The following HSD17B3 variants were observed in gnomAD, a reference collection of about 807,000 sequenced individuals.
The protein encoded by HSD17B3 is 17-beta-hydroxysteroid dehydrogenase type 3.
HSD17B3 carries 29 observed loss-of-function variants against 41.1 expected under a neutral mutation model. The observed-to-expected ratio is 0.71, with a 90% CI of 0.53 to 0.96. The LOEUF (loss-of-function observed/expected upper bound fraction) is 0.96. Ranked by LOEUF, HSD17B3 falls within the 40% of genes least tolerant of loss-of-function variation. HSD17B3 has a pLI of 0.00. For synonymous variants in HSD17B3, 126 were observed against 145.6 expected (o/e 0.87, Z 0.97); for missense variants, 323 against 374.6 (o/e 0.86, Z 1.14).
rs71368240 is a variant in HSD17B3 at position 96,262,229 on chromosome 9, C to CTTTTTTT, written c.202-7293_202-7287dup. Among the ~76,000 whole-genome samples the CTTTTTTT allele has an allele frequency of 1.1e-3, 59 of 54,206 alleles. 4 individuals are homozygous for CTTTTTTT. Among genetic ancestry groups the CTTTTTTT allele is most frequent in the African/African-American group, 1.5e-3 (19 of 12,518 alleles). The allele number at this position is 54,206 out of a possible 152,430, so 35.6% of individuals were successfully genotyped here. ...ACAGTGGTTGTAAACATGTCAATTG[C>CTTTTTTT]TTTTTTTTTTTTTTTTTTTTTTTTT... On this transcript the variant is annotated intron_variant, in intron 2 of 10. Coordinates refer to ENST00000375263, the MANE Select transcript of HSD17B3 (RefSeq NM_000197.2).
At chr9:96,241,483 T>A (rs1836436817) in intron 9 of HSD17B3, among the ~76,000 whole-genome samples, 1 of 152,188 alleles carries the variant, frequency 6.6e-6, no homozygotes, top group Non-Finnish European at 1.5e-5. Context: ...ACATACCTCA[T>A]AACCTCTTCC....
intron 1 of HSD17B3, among the ~76,000 whole-genome samples, chr9:96,300,034 G>C (rs1436216867): frequency 6.6e-6 from 1 of 150,976 alleles, no homozygotes. Context: ...TTAGAATGTA[G>C]GTTTTTAGAA....
chr9:96,249,663 T>C, intron 6 of HSD17B3, 88 bp downstream of exon 6: 1 of 1,187,870 alleles, frequency 8.4e-7, no homozygotes, highest in Non-Finnish European at 1.3e-6. Context: ...GAATCCTGCT[T>C]CTACAGTGGA....
At chr9:96,238,637 G>A (rs77770507) in intron 10 of HSD17B3, among the ~76,000 whole-genome samples, 19,901 of 152,098 alleles carry the variant, frequency 0.13, 1,982 homozygotes, top group African/African-American at 0.27. Context: ...ACTCCAGCCC[G>A]GGCAACAGCG....
chr9:96,295,253 C>T (rs1202661171), intron 2 of HSD17B3, among the ~76,000 whole-genome samples: 1 of 151,998 alleles, frequency 6.6e-6, no homozygotes, highest in Admixed American at 6.6e-5. Context: ...GATCTGCCCA[C>T]CTTGGCCTCC....
At chr9:96,278,995 T>G (rs912290815) in intron 2 of HSD17B3, among the ~76,000 whole-genome samples, 7 of 152,144 alleles carry the variant, frequency 4.6e-5, no homozygotes, top group African/African-American at 1.7e-4. Flanking sequence ...GATAAAATAT[T>G]CTAAGGGGTG....
chr9:96,255,383 T>C (rs1315534038), intron 2 of HSD17B3, among the ~76,000 whole-genome samples: 1 of 51,744 alleles, frequency 1.9e-5, no homozygotes, highest in African/African-American at 1.2e-4. Context: ...TTTTTTTTTT[T>C]TTTTTTTTTT....
In HSD17B3 at chr9:96,240,658, A is replaced by G. The variant is rs138912466; in HGVS notation, c.822+100T>C. The G allele has an allele frequency of 6.8e-5, 82 of 1,213,836 alleles. 1 individual carries two copies. In the Middle Eastern group the frequency reaches 9.4e-4, roughly 14 times the overall value. 75.2% of individuals were successfully genotyped at this position (1,213,836 alleles called of 1,614,324 possible). On this transcript the variant is annotated intron_variant, in intron 10 of 10. Coordinates refer to ENST00000375263, the MANE Select transcript of HSD17B3 (RefSeq NM_000197.2). ...TGTACCTGGCTATATTAACGCATCA[A>G]TGAGTGCTCCAGCAGCAAGGAAGAG... is the stretch of plus-strand genomic sequence containing the variant.
intron 5 of HSD17B3, 128 bp from the exon 6 acceptor site, chr9:96,249,914 C>T: frequency 1.3e-6 from 2 of 1,571,990 alleles, no homozygotes; most frequent in East Asian, 2.3e-5. Context: ...ACTCACCCTG[C>T]AAATTAGGCT....
rs1564043096 is a variant in HSD17B3, at chr9:96,267,261, A to ATG, written c.202-12319_202-12318insCA. On this transcript the variant is annotated intron_variant, in intron 2 of 10. Transcript: ENST00000375263. ...AACCTCCACCTCCCAGGTTCAAGCA[A>ATG]TTCACCTATCTCAGCCTCCTGAGTA... Among the ~76,000 whole-genome samples, 485 of 151,752 alleles carry ATG rather than the reference A, an allele frequency of 3.2e-3. 3 individuals carry two copies. The highest frequency in any genetic ancestry group is 0.011 in the African/African-American group (464 of 41,356).
At chr9:96,241,990 A>AAAGAAAGAAAGAAAGAAAGG in intron 9 of HSD17B3, among the ~76,000 whole-genome samples, 1 of 148,378 alleles carries the variant, frequency 6.7e-6, no homozygotes, top group Admixed American at 6.7e-5. Context: ...AGAAAGAAAG[A>AAAGAAAGAAAGAAAGAAAGG]AAGAAAGAAA....
chr9:96,274,760 T>C (rs1487387619), intron 2 of HSD17B3, among the ~76,000 whole-genome samples: 1 of 152,018 alleles, frequency 6.6e-6, no homozygotes, highest in Non-Finnish European at 1.5e-5. Flanking sequence ...TTATGGGACA[T>C]AAACAAGCAA....
At chr9:96,282,656 T>C (rs1266068266) in intron 2 of HSD17B3, among the ~76,000 whole-genome samples, 2 of 152,164 alleles carry the variant, frequency 1.3e-5, no homozygotes, top group South Asian at 2.1e-4. Context: ...ATGATTAAAA[T>C]TGCTTCCTAA....
At chr9:96,285,368 C>G (rs998219640) in intron 2 of HSD17B3, among the ~76,000 whole-genome samples, 1 of 152,096 alleles carries the variant, frequency 6.6e-6, no homozygotes, top group Non-Finnish European at 1.5e-5. Context: ...TAGACTAACC[C>G]TGTTTATTCC....
chr9:96,278,050 TAC>T (rs1826543517), intron 2 of HSD17B3, among the ~76,000 whole-genome samples: 1 of 152,272 alleles, frequency 6.6e-6, no homozygotes, highest in East Asian at 1.9e-4. Context: ...CTCATGGAAC[TAC>T]AGAGTAGAAT....
In HSD17B3 at chr9:96,266,925, C is replaced by T. The variant is rs150168899; in HGVS notation, c.202-11982G>A. Among the ~76,000 whole-genome samples, 110 of 152,122 alleles carry T rather than the reference C, an allele frequency of 7.2e-4. 1 individual carries two copies. The highest frequency in any genetic ancestry group is 2.6e-3 in the African/African-American group (106 of 41,512). On this transcript the variant is annotated intron_variant, in intron 2 of 10. Coordinates refer to ENST00000375263, the MANE Select transcript of HSD17B3 (RefSeq NM_000197.2). ...TTTTTCTCTGCGGAATCTGACCCACCCCAAGGAAAAGACCTTGAGGCACTT... is the reference window on the plus strand; with the variant it reads ...TTTTTCTCTGCGGAATCTGACCCACTCCAAGGAAAAGACCTTGAGGCACTT...
chr9:96,293,941 A>G (rs554589392), intron 2 of HSD17B3, among the ~76,000 whole-genome samples: 1 of 152,300 alleles, frequency 6.6e-6, no homozygotes, highest in East Asian at 1.9e-4. Flanking sequence ...AGGCTTTGAC[A>G]CACATCTGAT....
rs115836180 is a variant in HSD17B3 at position 96,282,614 on chromosome 9, G to A, written c.201+15802C>T. On this transcript the variant is annotated intron_variant, in intron 2 of 10. Transcript: ENST00000375263. ...CAGCCCTCATCTGCACTTCTGCCTGGTGTGTCCTGAGCTAGGCTCCACACT... is the reference window on the plus strand; with the variant it reads ...CAGCCCTCATCTGCACTTCTGCCTGATGTGTCCTGAGCTAGGCTCCACACT... 3.4e-3 allele frequency among the ~76,000 whole-genome samples: 521 copies of A among 152,302 alleles called. 7 individuals carry two copies. Among genetic ancestry groups the A allele is most frequent in the African/African-American group, 0.011 (473 of 41,560 alleles).
intron 9 of HSD17B3, among the ~76,000 whole-genome samples, chr9:96,243,070 C>G (rs1236981475): frequency 1.3e-5 from 2 of 152,230 alleles, no homozygotes; most frequent in Admixed American, 6.5e-5. Flanking sequence ...GCTCCGTCAG[C>G]CTGGGGCCCT....
Sources: gnomAD v4.1 joint callset for allele counts (sites outside exome capture counted in the v4.1 genomes callset) on GRCh38, gnomAD v4.1.1 for gene constraint, MANE v1.5 for transcripts, NCBI Gene and HGNC (gene_info 2026-07-23, HGNC 2026-07-21) for gene names.